The following NOL4 variants were observed in gnomAD, a reference collection of about 807,000 sequenced individuals.
The protein encoded by NOL4 is cancer/testis antigen 125.
NOL4 carries 17 observed loss-of-function variants against 75.9 expected under a neutral mutation model. The observed-to-expected ratio is 0.22, with a 90% CI of 0.15 to 0.34. The LOEUF (loss-of-function observed/expected upper bound fraction) is 0.34. NOL4 is among the 10% of genes least tolerant of loss of function. The pLI, the probability that NOL4 is intolerant of heterozygous loss-of-function variation, is 1.00. For missense variants in NOL4, 614 were observed against 793.5 expected (o/e 0.77, Z 2.72); for synonymous variants, 292 against 289.9 (o/e 1.01, Z -0.07).
intron 6 of NOL4, among the ~76,000 whole-genome samples, chr18:33,962,863 T>C (rs1389783873): frequency 6.6e-6 from 1 of 152,196 alleles, no homozygotes; most frequent in African/African-American, 2.4e-5. Context: ...ACAGAACCAG[T>C]TGGAACAGTA....
chr18:34,104,022 A>C, intron 4 of NOL4, 25 bp downstream of exon 4: 1 of 1,483,224 alleles, frequency 6.7e-7, no homozygotes, highest in Non-Finnish European at 9.4e-7. Context: ...TGTAAGTAAT[A>C]CAAATGTAGA....
chr18:33,873,735 C>T lies in NOL4; in HGVS notation c.1723+9509G>A, dbSNP rs181229879. ...ATTGAACACTCATATAAGGTAGTTA[C>T]CTACTAACACTTGGTAGTAAGACAG... is the stretch of plus-strand genomic sequence containing the variant. On this transcript the variant is annotated intron_variant, in intron 10 of 10. Coordinates refer to ENST00000261592, the MANE Select transcript of NOL4 (RefSeq NM_003787.5). Among the ~76,000 whole-genome samples the T allele has an allele frequency of 5.6e-3, 846 of 152,088 alleles. 4 individuals are homozygous for T. The highest frequency in any genetic ancestry group is 9.3e-3 in the Admixed American group (142 of 15,228).
chr18:33,873,164 G>T (rs773345254), intron 10 of NOL4, among the ~76,000 whole-genome samples: 1 of 151,960 alleles, frequency 6.6e-6, no homozygotes, highest in Non-Finnish European at 1.5e-5. Flanking sequence ...CAAATTCACC[G>T]TGGGGGATTG....
At chr18:33,943,618 T>C (rs2068643932) in intron 8 of NOL4, among the ~76,000 whole-genome samples, 1 of 151,886 alleles carries the variant, frequency 6.6e-6, no homozygotes, top group South Asian at 2.1e-4. Flanking sequence ...TGTCAAACAG[T>C]CTTAATATGA....
At chr18:33,893,164 T>G (rs1400696046) in intron 9 of NOL4, among the ~76,000 whole-genome samples, 1 of 152,272 alleles carries the variant, frequency 6.6e-6, no homozygotes, top group East Asian at 1.9e-4. Context: ...GGCTCTGGGC[T>G]TATCAATAAA....
intron 1 of NOL4, among the ~76,000 whole-genome samples, chr18:34,184,516 G>A (rs766871153): frequency 5.2e-4 from 79 of 152,108 alleles, no homozygotes; most frequent in African/African-American, 7.2e-4. Flanking sequence ...CATAGAGTTG[G>A]AAAGTGGGAG....
chr18:33,919,501 A>C (rs1285272568), intron 9 of NOL4, among the ~76,000 whole-genome samples: 1 of 152,230 alleles, frequency 6.6e-6, no homozygotes, highest in Non-Finnish European at 1.5e-5. Flanking sequence ...ATAATGCATA[A>C]GTCACTGCTG....
At chr18:33,947,343 T>C (rs1482479896) in intron 8 of NOL4, among the ~76,000 whole-genome samples, 1 of 151,630 alleles carries the variant, frequency 6.6e-6, no homozygotes, top group Non-Finnish European at 1.5e-5. Flanking sequence ...ATTAGCAGAG[T>C]GTGTTAGGGA....
intron 10 of NOL4, among the ~76,000 whole-genome samples, chr18:33,864,566 G>T (rs985928268): frequency 1.3e-5 from 2 of 152,152 alleles, no homozygotes; most frequent in African/African-American, 4.8e-5. Context: ...TCTCTAGGAA[G>T]TTCCAAACTG....
At chr18:34,124,774 G>A (rs907863106) in intron 2 of NOL4, among the ~76,000 whole-genome samples, 6 of 152,090 alleles carry the variant, frequency 3.9e-5, no homozygotes, top group Admixed American at 1.3e-4. Context: ...AGCCATAGTG[G>A]TGAATGCCTG....
At chr18:33,905,750 T>C (rs2065998699) in intron 9 of NOL4, among the ~76,000 whole-genome samples, 1 of 152,194 alleles carries the variant, frequency 6.6e-6, no homozygotes. Flanking sequence ...CCATGCTTCT[T>C]TCTTACTCAA....
intron 6 of NOL4, among the ~76,000 whole-genome samples, chr18:33,968,596 G>A (rs1169494401): frequency 1.3e-5 from 2 of 152,236 alleles, no homozygotes; most frequent in East Asian, 3.9e-4. Context: ...ATAAAGATTT[G>A]AACAACAAAC....
chr18:33,892,864 T>TG (rs1040998060), intron 9 of NOL4, among the ~76,000 whole-genome samples: 2 of 152,064 alleles, frequency 1.3e-5, no homozygotes, highest in Admixed American at 6.6e-5. Flanking sequence ...TGTCTCACTA[T>TG]GTTGCCCCGG....
At chr18:34,183,044 A>C (rs1403781090) in intron 1 of NOL4, among the ~76,000 whole-genome samples, 4 of 151,842 alleles carry the variant, frequency 2.6e-5, no homozygotes, top group Admixed American at 1.3e-4. Context: ...TGAAAGAAAA[A>C]TTGATAAATT....
chr18:34,182,087 T>C (rs2034087719), intron 1 of NOL4, among the ~76,000 whole-genome samples: 1 of 151,486 alleles, frequency 6.6e-6, no homozygotes, highest in African/African-American at 2.4e-5. Flanking sequence ...AAAATATATA[T>C]CAGCACAAAA....
At chr18:34,186,119 A>T (rs986184690) in intron 1 of NOL4, among the ~76,000 whole-genome samples, 3 of 152,170 alleles carry the variant, frequency 2.0e-5, no homozygotes, top group African/African-American at 7.2e-5. Flanking sequence ...GATCCATTTT[A>T]TTATAAAATG....
chr18:33,891,918 A>G (rs563202570), intron 9 of NOL4, among the ~76,000 whole-genome samples: 2 of 152,266 alleles, frequency 1.3e-5, no homozygotes, highest in East Asian at 3.9e-4. Flanking sequence ...TTGCATTATT[A>G]ATGTTTTTGG....
intron 5 of NOL4, among the ~76,000 whole-genome samples, chr18:34,076,265 C>G (rs2077740161): frequency 6.6e-6 from 1 of 152,132 alleles, no homozygotes; most frequent in Non-Finnish European, 1.5e-5. Flanking sequence ...GAATGGGCCT[C>G]TACTTTCTCC....
At chr18:33,890,598 A>T (rs1246808955) in intron 9 of NOL4, among the ~76,000 whole-genome samples, 2 of 152,136 alleles carry the variant, frequency 1.3e-5, no homozygotes, top group Non-Finnish European at 2.9e-5. Flanking sequence ...TTGGGCCAGC[A>T]TCAAATTTAC....
Sources: allele counts gnomAD v4.1 joint callset (sites outside exome capture counted in the v4.1 genomes callset), GRCh38; gene constraint gnomAD v4.1.1; transcripts MANE v1.5; gene names NCBI Gene and HGNC (gene_info 2026-07-23, HGNC 2026-07-21).